OR2A7: variants seen among roughly 807,000 people sequenced by gnomAD.
OR2A7 encodes the protein olfactory receptor 2A7.
For missense variants in OR2A7, 35 were observed against 359.2 expected (o/e 0.10, Z 7.30); for synonymous variants, 10 against 147.1 (o/e 0.07, Z 6.74).
chr7:144,264,419 T>C (rs1485017232), intron 1 of OR2A7, among the ~76,000 whole-genome samples: 23 of 151,444 alleles, frequency 1.5e-4, no homozygotes, highest in Admixed American at 6.0e-4. Context: ...AACATCATGC[T>C]TGGCTAATTT....
intron 1 of OR2A7, among the ~76,000 whole-genome samples, chr7:144,261,914 G>A (rs1302597884): frequency 1.3e-5 from 2 of 151,956 alleles, no homozygotes; most frequent in African/African-American, 2.4e-5. Flanking sequence ...TATAGAAAAG[G>A]CAAACATTTC....
intron 1 of OR2A7, among the ~76,000 whole-genome samples, chr7:144,260,145 A>C (rs538372505): frequency 0.018 from 2,272 of 128,102 alleles, 146 homozygotes; most frequent in African/African-American, 0.059. Flanking sequence ...AGGAAAAAAA[A>C]CGCATGCACA....
Position 144,259,883 on chromosome 7 carries a change from G to A in OR2A7, c.-4-251C>T, listed in dbSNP as rs1188162288. On this transcript the variant is annotated intron_variant, in intron 1 of 1. Coordinates refer to ENST00000641841, the MANE Select transcript of OR2A7 (RefSeq NM_001005328.2). ...AGCACTTTGGGAGGCCGAGGCGGGC[G>A]GATTGCCTGAGCTCAGGAGTTCGAG... is the stretch of plus-strand genomic sequence containing the variant. Among the ~76,000 whole-genome samples the A allele has an allele frequency of 1.4e-3, 200 of 138,634 alleles. 1 individual carries two copies. The highest frequency in any genetic ancestry group is 5.1e-3 in the African/African-American group (189 of 37,298). The allele number at this position is 138,634 out of a possible 152,430, so 90.9% of individuals were successfully genotyped here.
Position 144,257,858 on chromosome 7 carries a change from G to C in OR2A7, c.*838C>G, listed in dbSNP as rs2052579793. Reference sequence around the variant, plus strand: ...ATATTTCTTAAAAATCTCAAATTTAGAAGATTGTGAGGTTGAATGAGGTCA... The same window carrying C: ...ATATTTCTTAAAAATCTCAAATTTACAAGATTGTGAGGTTGAATGAGGTCA... On this transcript the variant is annotated 3_prime_UTR_variant, in exon 2 of 2. Coordinates refer to ENST00000641841, the MANE Select transcript of OR2A7 (RefSeq NM_001005328.2). The C allele has an allele frequency of 6.6e-6, 1 of 150,956 alleles. No individual in the cohort carries two copies. The highest frequency in any genetic ancestry group is 1.9e-4 in the East Asian group (1 of 5,174). 9.4% of individuals were successfully genotyped at this position (150,956 alleles called of 1,614,324 possible). A position where few individuals can be genotyped will look rare whatever the true frequency, so the allele number is the denominator to read the frequency against.
chr7:144,261,268 C>T (rs1396812503), intron 1 of OR2A7, among the ~76,000 whole-genome samples: 22 of 151,588 alleles, frequency 1.5e-4, no homozygotes, highest in African/African-American at 3.9e-4. Flanking sequence ...TAAGATTGTG[C>T]GTAATAAGTA....
intron 1 of OR2A7, among the ~76,000 whole-genome samples, chr7:144,260,504 C>A (rs1211854854): frequency 4.6e-5 from 7 of 151,688 alleles, no homozygotes; most frequent in African/African-American, 1.7e-4. Flanking sequence ...GCGGGCTATA[C>A]TAAGGTTCGA....
At position 144,261,481 on chromosome 7, in the gene OR2A7, T is replaced by A. The variant is rs1397297969; in HGVS notation, c.-4-1849A>T. ...AGAGACCTCATCTCTTTTAAAAAATTTTTAAAATAGTAATTATATGAAAAA... is the reference window on the plus strand; with the variant it reads ...AGAGACCTCATCTCTTTTAAAAAATATTTAAAATAGTAATTATATGAAAAA... On this transcript the variant is annotated intron_variant, in intron 1 of 1. Coordinates refer to ENST00000641841, the MANE Select transcript of OR2A7 (RefSeq NM_001005328.2). 2.3e-4 allele frequency among the ~76,000 whole-genome samples: 35 copies of A among 151,456 alleles called. 1 individual carries two copies. Among genetic ancestry groups the A allele is most frequent in the Non-Finnish European group, 1.5e-5 (1 of 67,846 alleles).
At chr7:144,261,479 A>T (rs576530292) in intron 1 of OR2A7, among the ~76,000 whole-genome samples, 217 of 151,444 alleles carry the variant, frequency 1.4e-3, no homozygotes, top group Middle Eastern at 6.9e-3. Context: ...CTTTTAAAAA[A>T]TTTTTAAAAT....
intron 1 of OR2A7, among the ~76,000 whole-genome samples, chr7:144,261,152 T>G (rs1436007832): frequency 7.3e-6 from 1 of 136,702 alleles, no homozygotes; most frequent in South Asian, 2.8e-4. Flanking sequence ...GTTGAAAAAA[T>G]AAAATAATTT....
chr7:144,260,353 A>G (rs1386972472), intron 1 of OR2A7, among the ~76,000 whole-genome samples: 6 of 150,984 alleles, frequency 4.0e-5, no homozygotes, highest in African/African-American at 1.5e-4. Flanking sequence ...ATATCCTTCA[A>G]ATAAATTCTT....
intron 1 of OR2A7, among the ~76,000 whole-genome samples, chr7:144,264,111 G>A (rs867739870): frequency 3.9e-3 from 589 of 150,478 alleles, no homozygotes; most frequent in African/African-American, 0.012. Context: ...TGTCATAGCC[G>A]TAATAATATT....
chr7:144,259,976 G>T (rs2052621102), intron 1 of OR2A7, among the ~76,000 whole-genome samples: 1 of 131,220 alleles, frequency 7.6e-6, no homozygotes, highest in African/African-American at 2.8e-5. Context: ...CGGCGTGGCG[G>T]CGTGTACCTG....
At chr7:144,260,758 A>G (rs2052635263) in intron 1 of OR2A7, among the ~76,000 whole-genome samples, 1 of 151,760 alleles carries the variant, frequency 6.6e-6, no homozygotes, top group Admixed American at 6.7e-5. Context: ...CAGGATCAGT[A>G]ACTTTTGTTG....
chr7:144,260,111 G>GAAAA (rs1162605720), intron 1 of OR2A7, among the ~76,000 whole-genome samples: 2,458 of 85,962 alleles, frequency 0.029, 1 homozygote, highest in East Asian at 0.051. Flanking sequence ...TCTGTCTCCA[G>GAAAA]AAAAAAAAAA....
intron 1 of OR2A7, among the ~76,000 whole-genome samples, chr7:144,264,177 T>G (rs1296989430): frequency 1.3e-5 from 2 of 152,006 alleles, no homozygotes; most frequent in Admixed American, 6.6e-5. Context: ...ACAATCCTAC[T>G]GCACTCCCAG....
intron 1 of OR2A7, among the ~76,000 whole-genome samples, chr7:144,260,563 C>T (rs1401654395): frequency 2.0e-5 from 3 of 151,904 alleles, no homozygotes; most frequent in African/African-American, 4.8e-5. Context: ...TTAAACTTTC[C>T]ACTCTTGCAC....
intron 1 of OR2A7, among the ~76,000 whole-genome samples, chr7:144,262,275 A>C (rs2052656895): frequency 1.3e-5 from 2 of 149,886 alleles, no homozygotes; most frequent in Admixed American, 6.8e-5. Flanking sequence ...GAAAGGATAC[A>C]TATATTATCT....
intron 1 of OR2A7, among the ~76,000 whole-genome samples, chr7:144,261,784 G>A (rs1216195952): frequency 6.6e-6 from 1 of 151,800 alleles, no homozygotes. Context: ...AAAGTGTGAC[G>A]GTAAAAGCAA....
At chr7:144,260,256 T>TA (rs765483514) in intron 1 of OR2A7, among the ~76,000 whole-genome samples, 2 of 136,068 alleles carry the variant, frequency 1.5e-5, no homozygotes, top group East Asian at 1.9e-4. Context: ...GGTCTTTTTT[T>TA]AAAAAAAATT....
Sources: gnomAD v4.1 joint callset for allele counts (sites outside exome capture counted in the v4.1 genomes callset) on GRCh38, gnomAD v4.1.1 for gene constraint, MANE v1.5 for transcripts, NCBI Gene and HGNC (gene_info 2026-07-23, HGNC 2026-07-21) for gene names.